Variants in RASAL2 observed in about 807,000 individuals in gnomAD.
RASAL2 encodes RAS protein activator like 2.
In RASAL2, 58 loss-of-function variants were observed where a neutral mutation model predicts 128.9. The observed-to-expected ratio is 0.45, with a 90% CI of 0.36 to 0.56. RASAL2 has a LOEUF of 0.56. Ranked by LOEUF, RASAL2 falls within the 20% of genes least tolerant of loss-of-function variation. The pLI is 0.00. For synonymous variants in RASAL2, 561 were observed against 580.8 expected, an observed-to-expected ratio of 0.97 and a Z score of 0.49; for missense variants, 1,360 against 1,601.6, an observed-to-expected ratio of 0.85 and a Z score of 2.57.
intron 1 of RASAL2, among the ~76,000 whole-genome samples, chr1:178,110,580 T>C (rs1462713545): frequency 1.4e-5 from 2 of 146,432 alleles, no homozygotes; most frequent in Non-Finnish European, 3.0e-5. Context: ...GCATATGTAG[T>C]ATATATATGC....
intron 1 of RASAL2, among the ~76,000 whole-genome samples, chr1:178,212,910 A>G (rs1415919739): frequency 6.6e-6 from 1 of 152,258 alleles, no homozygotes; most frequent in Non-Finnish European, 1.5e-5. Context: ...CAGACAATGA[A>G]ATGATTTTCT....
chr1:178,469,872 C>G (rs1293688222), intron 17 of RASAL2, among the ~76,000 whole-genome samples: 1 of 152,114 alleles, frequency 6.6e-6, no homozygotes, highest in Admixed American at 6.5e-5. Context: ...TACCAGAGAC[C>G]CACTGTGGAT....
chr1:178,323,950 G>A (rs534285654), intron 3 of RASAL2, among the ~76,000 whole-genome samples: 11 of 152,136 alleles, frequency 7.2e-5, no homozygotes, highest in African/African-American at 1.7e-4. Context: ...ATGCATACCC[G>A]TAACTAGAAC....
At chr1:178,101,271 CT>C (rs1658887561) in intron 1 of RASAL2, among the ~76,000 whole-genome samples, 1 of 152,188 alleles carries the variant, frequency 6.6e-6, no homozygotes, top group African/African-American at 2.4e-5. Context: ...GAAGTTATCA[CT>C]TTCCTAATCT....
intron 4 of RASAL2, among the ~76,000 whole-genome samples, chr1:178,399,960 C>T (rs1673506085): frequency 6.6e-6 from 1 of 152,182 alleles, no homozygotes; most frequent in South Asian, 2.1e-4. Context: ...TCTACGATTC[C>T]ATGCCCATGA....
chr1:178,374,128 G>A (rs1671868641), intron 3 of RASAL2, among the ~76,000 whole-genome samples: 1 of 152,098 alleles, frequency 6.6e-6, no homozygotes. Context: ...CCTGACCATA[G>A]GCAGCAAACA....
intron 1 of RASAL2, among the ~76,000 whole-genome samples, chr1:178,242,415 A>C: frequency 6.9e-6 from 1 of 145,572 alleles, no homozygotes; most frequent in Non-Finnish European, 1.5e-5. Context: ...GACAATTTTT[A>C]TAATTCATTC....
At chr1:178,384,691 CAAA>C (rs796296746) in intron 3 of RASAL2, among the ~76,000 whole-genome samples, 1,992 of 140,698 alleles carry the variant, frequency 0.014, 45 homozygotes, top group African/African-American at 0.05. Flanking sequence ...CACACACACA[CAAA>C]AAAAAAACTC....
At chr1:178,146,528 C>G (rs982390661) in intron 1 of RASAL2, among the ~76,000 whole-genome samples, 2 of 152,160 alleles carry the variant, frequency 1.3e-5, no homozygotes, top group Non-Finnish European at 2.9e-5. Flanking sequence ...ATGCTGTTTT[C>G]AAAGCTGTTA....
At chr1:178,429,848 C>T (rs1675767281) in intron 5 of RASAL2, among the ~76,000 whole-genome samples, 1 of 152,080 alleles carries the variant, frequency 6.6e-6, no homozygotes, top group Admixed American at 6.6e-5. Flanking sequence ...GTCAAGCTCA[C>T]TTCTAGTTCA....
chr1:178,178,837 A>G (rs1486371301), intron 1 of RASAL2, among the ~76,000 whole-genome samples: 1 of 152,210 alleles, frequency 6.6e-6, no homozygotes, highest in Non-Finnish European at 1.5e-5. Flanking sequence ...TTTTCATTTA[A>G]AAATCCTAAA....
intron 3 of RASAL2, among the ~76,000 whole-genome samples, chr1:178,374,511 C>T (rs952170616): frequency 1.7e-4 from 26 of 152,078 alleles, no homozygotes; most frequent in African/African-American, 6.3e-4. Flanking sequence ...GTACAGTAAC[C>T]ACCTAACTGA....
chr1:178,118,149 A>G (rs919662758), intron 1 of RASAL2, among the ~76,000 whole-genome samples: 1 of 151,244 alleles, frequency 6.6e-6, no homozygotes, highest in African/African-American at 2.4e-5. Flanking sequence ...AGCAGTAAGA[A>G]CGAGACTCTG....
At chr1:178,322,178 G>A (rs935953884) in intron 3 of RASAL2, among the ~76,000 whole-genome samples, 4 of 151,910 alleles carry the variant, frequency 2.6e-5, no homozygotes, top group African/African-American at 7.3e-5. Context: ...TCTCTTCGTG[G>A]TTTTTAATGA....
intron 3 of RASAL2, among the ~76,000 whole-genome samples, chr1:178,300,898 A>G (rs943944886): frequency 1.3e-5 from 2 of 152,192 alleles, no homozygotes; most frequent in African/African-American, 4.8e-5. Flanking sequence ...TTGTTGTGTT[A>G]TTATTTGCTT....
At chr1:178,198,602 G>A (rs1400472753) in intron 1 of RASAL2, among the ~76,000 whole-genome samples, 4 of 152,228 alleles carry the variant, frequency 2.6e-5, no homozygotes, top group Admixed American at 6.5e-5. Flanking sequence ...TCCAGACCGT[G>A]TTTGCCTGGG....
rs184928653 is a variant in RASAL2, at chr1:178,300,722, T to C, written c.457+604T>C. On this transcript the variant is annotated intron_variant, in intron 3 of 17. Coordinates refer to ENST00000367649, the MANE Select transcript of RASAL2 (RefSeq NM_170692.4). ...GAGTTAATGTCAATATCAAAGCAGC[T>C]AGCTCTTCTCCCATTCCCTACCAAA... Among the ~76,000 whole-genome samples, 7 of 152,372 alleles carry C rather than the reference T, an allele frequency of 4.6e-5. No individual in the cohort carries two copies. In the East Asian group the frequency reaches 1.3e-3, roughly 29 times the overall value.
intron 1 of RASAL2, among the ~76,000 whole-genome samples, chr1:178,229,477 C>T (rs2095133): frequency 9.0e-5 from 13 of 145,126 alleles, no homozygotes; most frequent in South Asian, 2.2e-4. Context: ...TTTTGTAGAA[C>T]TTTTTTTTTT....
rs1016752606 is a variant in RASAL2 at position 178,477,970 on chromosome 1, A to G, written c.*4731A>G. 1 of 152,212 alleles carries G rather than the reference A, an allele frequency of 6.6e-6. No individual in the cohort carries two copies. Among genetic ancestry groups the G allele is most frequent in the African/African-American group, 2.4e-5 (1 of 41,460 alleles). The allele number at this position is 152,212 out of a possible 1,614,324, so 9.4% of individuals were successfully genotyped here. A position where few individuals can be genotyped will look rare whatever the true frequency, so the allele number is the denominator to read the frequency against. Reference sequence around the variant, plus strand: ...GTAGGATCCAGAAATAAGTAGTTTCAGTTCCTGATCAGTTAAGCCTCAAGT... The same window carrying G: ...GTAGGATCCAGAAATAAGTAGTTTCGGTTCCTGATCAGTTAAGCCTCAAGT... On this transcript the variant is annotated 3_prime_UTR_variant, in exon 18 of 18. Transcript: ENST00000367649.
Sources: allele counts gnomAD v4.1 joint callset (sites outside exome capture counted in the v4.1 genomes callset), GRCh38; gene constraint gnomAD v4.1.1; transcripts MANE v1.5; gene names NCBI Gene and HGNC (gene_info 2026-07-23, HGNC 2026-07-21).